MED13L: variants seen among roughly 807,000 people sequenced by gnomAD.
MED13L encodes the protein mediator complex subunit 13L, also known as mediator of RNA polymerase II transcription subunit 13-like.
A neutral mutation model predicts 220.9 loss-of-function variants in MED13L; 7 were observed. The observed-to-expected ratio is 0.03, with a 90% CI of 0.02 to 0.06. MED13L has a LOEUF of 0.06. Ranked by LOEUF, MED13L falls within the 10% of genes least tolerant of loss-of-function variation. The probability of loss-of-function intolerance (pLI) is 1.00; values close to 1 mark genes in which losing one functional copy is unlikely to be tolerated. For missense variants in MED13L, 1,965 were observed against 2,760.5 expected, an observed-to-expected ratio of 0.71 and a Z score of 6.46; for synonymous variants, 1,011 against 1,015.2, an observed-to-expected ratio of 1.00 and a Z score of 0.08.
intron 2 of MED13L, among the ~76,000 whole-genome samples, chr12:116,161,962 C>A (rs1878888455): frequency 6.6e-6 from 1 of 151,772 alleles, no homozygotes; most frequent in African/African-American, 2.4e-5. Context: ...GGCAGGGGGG[C>A]AAAGAAAAGA....
rs555824166 is a variant in MED13L, at chr12:116,242,362, G to C, written c.73-4657C>G. Among the ~76,000 whole-genome samples, 16 of 152,062 alleles carry C rather than the reference G, an allele frequency of 1.1e-4. No individual in the cohort carries two copies. The East Asian group carries it at 2.1e-3, about 20-fold the overall frequency. On this transcript the variant is annotated intron_variant, in intron 1 of 30. Coordinates refer to ENST00000281928, the MANE Select transcript of MED13L (RefSeq NM_015335.5). ...GCCCAGCCATACTGTCTCAATTTCT[G>C]ACTAACGTTTATCTCTACAACACAA...
intron 2 of MED13L, among the ~76,000 whole-genome samples, chr12:116,149,378 C>A (rs189551633): frequency 2.0e-5 from 3 of 152,302 alleles, no homozygotes; most frequent in Non-Finnish European, 4.4e-5. Flanking sequence ...TATATTCCCC[C>A]AACAACCCTA....
Position 116,006,192 on chromosome 12 carries a change from A to G in MED13L, c.2344+114T>C, listed in dbSNP as rs1480792583. ...AAAAACAAACTATGAAAAATATATT[A>G]AAGATGAGATGAAATTCTTATTACA... On this transcript the variant is annotated intron_variant, in intron 12 of 30. Transcript: ENST00000281928. 4 of 1,224,898 alleles carry G rather than the reference A, an allele frequency of 3.3e-6. No individual in the cohort carries two copies. The African/African-American group carries it at 6.1e-5, about 19-fold the overall frequency. 75.9% of individuals were successfully genotyped at this position (1,224,898 alleles called of 1,614,324 possible). A position where few individuals can be genotyped will look rare whatever the true frequency, so the allele number is the denominator to read the frequency against.
chr12:116,190,984 C>A (rs771279772), intron 2 of MED13L, among the ~76,000 whole-genome samples: 20 of 150,892 alleles, frequency 1.3e-4, no homozygotes, highest in Non-Finnish European at 2.2e-4. Flanking sequence ...CCCAGCTACT[C>A]GGGATGCTGA....
chr12:116,109,504 G>A (rs1873896812), intron 3 of MED13L, among the ~76,000 whole-genome samples: 1 of 151,738 alleles, frequency 6.6e-6, no homozygotes, highest in Non-Finnish European at 1.5e-5. Context: ...GTATTCTTCT[G>A]AAAGGAATAA....
intron 4 of MED13L, among the ~76,000 whole-genome samples, chr12:116,030,417 C>T (rs951092150): frequency 6.6e-6 from 1 of 152,026 alleles, no homozygotes; most frequent in Non-Finnish European, 1.5e-5. Context: ...AAAAGTAATA[C>T]ATGTCAAAAT....
chr12:116,078,857 G>T (rs941087788), intron 4 of MED13L, among the ~76,000 whole-genome samples: 1 of 152,012 alleles, frequency 6.6e-6, no homozygotes, highest in Non-Finnish European at 1.5e-5. Flanking sequence ...AAAAGAAAAA[G>T]AATTTAAAAA....
chr12:116,171,607 C>A lies in MED13L; in HGVS notation c.311-60095G>T, dbSNP rs531318280. Among the ~76,000 whole-genome samples the A allele has an allele frequency of 3.3e-5, 5 of 152,260 alleles. No homozygotes were observed. In the South Asian group the frequency reaches 1.0e-3, roughly 32 times the overall value. ...TTGCAATGGCTCCAGTTTTTTAAGT[C>A]CTTCTTAAAACAAAGCTTTCTAAAA... On this transcript the variant is annotated intron_variant, in intron 2 of 30. Coordinates refer to ENST00000281928, the MANE Select transcript of MED13L (RefSeq NM_015335.5).
chr12:116,033,162 T>C (rs1241708216), intron 4 of MED13L, among the ~76,000 whole-genome samples: 1 of 152,158 alleles, frequency 6.6e-6, no homozygotes, highest in East Asian at 1.9e-4. Flanking sequence ...ATAGAGGGGT[T>C]TGTTCCACAG....
intron 2 of MED13L, among the ~76,000 whole-genome samples, chr12:116,143,109 T>A (rs1340160528): frequency 6.6e-6 from 1 of 152,168 alleles, no homozygotes; most frequent in Non-Finnish European, 1.5e-5. Flanking sequence ...TAACCACTGA[T>A]GATGAAATGC....
chr12:116,212,462 AT>A (rs2138357051), intron 2 of MED13L, among the ~76,000 whole-genome samples: 1 of 152,340 alleles, frequency 6.6e-6, no homozygotes, highest in Non-Finnish European at 1.5e-5. Context: ...CAATCCCACA[AT>A]TTTATTTTCA....
At chr12:116,035,734 G>A (rs1197890584) in intron 4 of MED13L, among the ~76,000 whole-genome samples, 1 of 151,842 alleles carries the variant, frequency 6.6e-6, no homozygotes, top group Non-Finnish European at 1.5e-5. Context: ...GGGACCCCAA[G>A]CACACGCCAC....
At chr12:115,986,895 T>A (rs1877727040) in intron 18 of MED13L, among the ~76,000 whole-genome samples, 1 of 152,202 alleles carries the variant, frequency 6.6e-6, no homozygotes, top group Non-Finnish European at 1.5e-5. Context: ...TTTTTAGGGA[T>A]TAGCTTCCTC....
chr12:116,045,964 G>A (rs777282682), intron 4 of MED13L, among the ~76,000 whole-genome samples: 12 of 152,004 alleles, frequency 7.9e-5, no homozygotes, highest in Non-Finnish European at 1.6e-4. Flanking sequence ...AAAATTACAT[G>A]CATGAAGTGA....
At chr12:116,194,157 C>T (rs1330749636) in intron 2 of MED13L, among the ~76,000 whole-genome samples, 1 of 152,036 alleles carries the variant, frequency 6.6e-6, no homozygotes, top group Non-Finnish European at 1.5e-5. Flanking sequence ...TGTCTATACC[C>T]ACACCCCTAC....
chr12:116,214,107 G>C (rs1239363529), intron 2 of MED13L, among the ~76,000 whole-genome samples: 1 of 152,164 alleles, frequency 6.6e-6, no homozygotes, highest in East Asian at 1.9e-4. Flanking sequence ...CCTGTACTCT[G>C]CTGCTCTAAT....
At chr12:116,109,070 TTTTTTTTTTTTTTTTTTG>T (rs908836045) in intron 3 of MED13L, among the ~76,000 whole-genome samples, 1 of 65,886 alleles carries the variant, frequency 1.5e-5, no homozygotes, top group African/African-American at 1.1e-4. Flanking sequence ...CTTTTTTTTT[TTTTTTTTTTTTTTTTTTG>T]GAAACAGGGT....
At chr12:116,119,821 AAAAAAAAAAAAAAAAAAATATAT>A in intron 2 of MED13L, among the ~76,000 whole-genome samples, 1 of 102,598 alleles carries the variant, frequency 9.7e-6, no homozygotes, top group East Asian at 2.9e-4. Flanking sequence ...AAAAAAAAAA[AAAAAAAAAAAAAAAAAAATATAT>A]ATATATATAT....
At chr12:116,138,646 CAT>C (rs565210163) in intron 2 of MED13L, among the ~76,000 whole-genome samples, 6 of 152,232 alleles carry the variant, frequency 3.9e-5, no homozygotes, top group African/African-American at 1.2e-4. Context: ...TCAATTAACA[CAT>C]GTCTGACCTT....
Sources: gnomAD v4.1 joint callset for allele counts (sites outside exome capture counted in the v4.1 genomes callset) on GRCh38, gnomAD v4.1.1 for gene constraint, MANE v1.5 for transcripts, NCBI Gene and HGNC (gene_info 2026-07-23, HGNC 2026-07-21) for gene names.